SYNM: variants seen among roughly 807,000 people sequenced by gnomAD.
SYNM encodes synemin, also known as desmuslin.
A neutral mutation model predicts 104.0 loss-of-function variants in SYNM; 95 were observed. The ratio of observed to expected loss-of-function variants is 0.91; its 90% CI spans 0.77 to 1.08. The LOEUF is 1.08. Among genes scored for constraint, SYNM ranks in the 50% least tolerant of loss-of-function variants. SYNM has a pLI of 0.00. For missense variants in SYNM, 2,150 were observed against 2,052.2 expected (o/e 1.05, Z -0.92); for synonymous variants, 918 against 869.0 (o/e 1.06, Z -0.99).
intron 3 of SYNM, among the ~76,000 whole-genome samples, chr15:99,128,592 G>A (rs1596133275): frequency 6.6e-6 from 1 of 152,192 alleles, no homozygotes; most frequent in African/African-American, 2.4e-5. Context: ...GGGCACTCTC[G>A]GGGTGGACGG....
At chr15:99,126,990 G>A (rs1223188825) in intron 3 of SYNM, among the ~76,000 whole-genome samples, 198 bp downstream of exon 3, 4 of 152,204 alleles carry the variant, frequency 2.6e-5, no homozygotes, top group Non-Finnish European at 4.4e-5. Context: ...GAATGTTTGG[G>A]AAGGTGCTTG....
At chr15:99,119,530 G>A (rs2067380626) in intron 2 of SYNM, among the ~76,000 whole-genome samples, 1 of 152,228 alleles carries the variant, frequency 6.6e-6, no homozygotes, top group African/African-American at 2.4e-5. Context: ...GGGAGGCGGG[G>A]CTTGCACCAG....
Position 99,105,805 on chromosome 15 carries a change from C to A in SYNM, c.606C>A (p.Tyr202Ter). The A allele has an allele frequency of 6.5e-7, 1 of 1,541,684 alleles. No individual in the cohort carries two copies. The highest frequency in any genetic ancestry group is 8.7e-7 in the Non-Finnish European group (1 of 1,145,242). The change falls in exon 1 of 4, where the codon TAC (tyrosine) becomes TAA (stop). Residue 202 changes from tyrosine (Y) to a stop codon, truncating the protein, a stop_gained. Coordinates refer to ENST00000336292, the MANE Select transcript of SYNM (RefSeq NM_145728.3). LOFTEE classifies it high-confidence loss of function. ...CGTGGCGGGAGACGGTGCAGCTGTA[C>A]GAGGACGAGGTGCGCGAGCTGGAGG... is the stretch of plus-strand genomic sequence containing the variant. ...AESWRETVQLYEDEVRELEEA... is the reference protein window; with the variant it reads ...AESWRETVQL
chr15:99,121,055 G>T (rs1373524871), intron 2 of SYNM, among the ~76,000 whole-genome samples: 1 of 152,136 alleles, frequency 6.6e-6, no homozygotes, highest in African/African-American at 2.4e-5. Flanking sequence ...GCCTTTGGGT[G>T]GTGGGGGAAG....
rs561050968 is a variant in SYNM at position 99,129,773 on chromosome 15, G to A, written c.1413G>A (p.Ser471=). ...IGEDSTIARE[S]YRDRRDKVAA... ...AAGATTCCACAATTGCCCGCGAGTC[G>A]TACCGGGATCGCCGAGACAAGGTGG... The change falls in exon 4 of 4, where the codon TCG becomes TCA. Residue 471 remains serine (S), a synonymous_variant. Transcript: ENST00000336292. 10 of 1,613,512 alleles carry A rather than the reference G, an allele frequency of 6.2e-6. No homozygotes were observed. The South Asian group carries it at 6.6e-5, about 11-fold the overall frequency.
the SYNM span, among the ~76,000 whole-genome samples, chr15:99,141,206 A>T: frequency 1.3e-5 from 2 of 152,192 alleles, no homozygotes. Context: ...TGTGATATGT[A>T]TATATTATAT....
Position 99,129,713 on chromosome 15 carries a change from C to T in SYNM, c.1353C>T (p.Ala451=), listed in dbSNP as rs782089712. 31 of 1,613,618 alleles carry T rather than the reference C, an allele frequency of 1.9e-5. No individual in the cohort carries two copies. Among genetic ancestry groups the T allele is most frequent in the South Asian group, 1.2e-4 (11 of 91,070 alleles). The change falls in exon 4 of 4, where the codon GCC becomes GCT. Residue 451 remains alanine (A), a synonymous_variant. Transcript: ENST00000336292. ...QVKTFPDRPK[A]GDTREVPVYI... ...AAACATTCCCTGACAGACCAAAAGC[C>T]GGAGATACAAGGGAGGTCCCCGTTT...
downstream of SYNM, among the ~76,000 whole-genome samples, chr15:99,138,585 T>A (rs2067828433): frequency 6.6e-6 from 1 of 152,236 alleles, no homozygotes; most frequent in Non-Finnish European, 1.5e-5. Flanking sequence ...GGTGCTGGGA[T>A]TATAGGCATG....
At chr15:99,110,567 A>G (rs1555483303) in intron 1 of SYNM, among the ~76,000 whole-genome samples, 1 of 152,256 alleles carries the variant, frequency 6.6e-6, no homozygotes, top group Non-Finnish European at 1.5e-5. Flanking sequence ...AAGTTATCAC[A>G]GTATTTAAAT....
chr15:99,138,653 G>T (rs1428274699), downstream of SYNM, among the ~76,000 whole-genome samples: 1 of 152,230 alleles, frequency 6.6e-6, no homozygotes. Context: ...TCCTCACTGA[G>T]CTGAGGCCCT....
At chr15:99,141,417 A>T in the SYNM span, among the ~76,000 whole-genome samples, 8 of 152,194 alleles carry the variant, frequency 5.3e-5, no homozygotes, top group African/African-American at 1.9e-4. Context: ...TATCAAATTT[A>T]AAAAAGTAGT....
chr15:99,120,758 A>G (rs924991483), intron 2 of SYNM, among the ~76,000 whole-genome samples: 4 of 152,126 alleles, frequency 2.6e-5, no homozygotes, highest in Non-Finnish European at 5.9e-5. Context: ...GAATCAGGGG[A>G]GGCTTCTAGA....
At chr15:99,109,656 C>T (rs1437749291) in intron 1 of SYNM, among the ~76,000 whole-genome samples, 1 of 152,180 alleles carries the variant, frequency 6.6e-6, no homozygotes, top group Non-Finnish European at 1.5e-5. Context: ...AGGGTGTGTA[C>T]AACTGGTTCA....
At position 99,131,050 on chromosome 15, in the gene SYNM, C is replaced by G. The variant is rs782820113; in HGVS notation, c.2690C>G (p.Ser897Cys). 6.2e-7 allele frequency: 1 copy of G among 1,608,048 alleles called. No individual in the cohort carries two copies. The highest frequency in any genetic ancestry group is 1.3e-5 in the African/African-American group (1 of 74,776). The change falls in exon 4 of 4, where the codon TCT (serine) becomes TGT (cysteine). Residue 897 changes from serine to cysteine, a missense_variant. By Grantham distance (112) the Ser-to-Cys change is moderately radical. Coordinates refer to ENST00000336292, the MANE Select transcript of SYNM (RefSeq NM_145728.3). The surrounding 1 kb of genome is among the most constrained non-coding windows in gnomAD (Gnocchi z 4.3). ...VVKPLDVPAP[S>C]LEGDLGSTHW... ...AAGCCCTTGGATGTCCCAGCGCCCT[C>G]TCTGGAGGGGGACCTGGGTTCCACT...
chr15:99,139,477 G>A, downstream of SYNM: 1 of 1,595,214 alleles, frequency 6.3e-7, no homozygotes, highest in African/African-American at 1.3e-5. Flanking sequence ...CCTTGAATGA[G>A]AGAAAGATGA....
chr15:99,115,469 A>T (rs1703782), intron 2 of SYNM, among the ~76,000 whole-genome samples: 14,233 of 129,722 alleles, frequency 0.11, 995 homozygotes, highest in African/African-American at 0.19. Context: ...ATTTTATTCT[A>T]TTTTTTTTTT....
intron 2 of SYNM, among the ~76,000 whole-genome samples, chr15:99,116,858 G>A (rs1434069856): frequency 7.0e-6 from 1 of 143,302 alleles, no homozygotes; most frequent in Non-Finnish European, 1.5e-5. Flanking sequence ...TGTATTTTTA[G>A]TAAAGACGGG....
Position 99,130,292 on chromosome 15 carries a change from C to G in SYNM, c.1932C>G (p.Thr644=), listed in dbSNP as rs1555485565. The G allele has an allele frequency of 1.2e-5, 20 of 1,613,834 alleles. No homozygotes were observed. Among genetic ancestry groups the G allele is most frequent in the Non-Finnish European group, 1.6e-5 (19 of 1,179,872 alleles). Residue 644 remains threonine (T), a synonymous_variant, in exon 4 of 4, where the codon ACC becomes ACG. Transcript: ENST00000336292. The part of the protein sequence containing the change: ...MTETVAENIV[T]SILKQFTQSP... ...AAACCGTAGCAGAAAACATCGTTAC[C>G]AGTATCCTGAAGCAGTTCACTCAGT...
At chr15:99,136,488 G>A (rs2067598850), downstream of SYNM, 2 of 152,232 alleles carry the variant, frequency 1.3e-5, no homozygotes, top group South Asian at 2.1e-4. Flanking sequence ...TCCTGGTGAG[G>A]GCTCTCTTCC....
Sources: allele counts gnomAD v4.1 joint callset (sites outside exome capture counted in the v4.1 genomes callset), GRCh38; gene constraint gnomAD v4.1.1; non-coding constraint Gnocchi (gnomAD v3.1); transcripts MANE v1.5; gene names NCBI Gene and HGNC (gene_info 2026-07-23, HGNC 2026-07-21).